RELCH: variants seen among roughly 807,000 people sequenced by gnomAD.
The protein encoded by RELCH is RAB11-binding protein RELCH.
Under a neutral mutation model 150.3 loss-of-function variants are expected in RELCH, and 41 were observed. The observed-to-expected ratio is 0.27, with a 90% CI of 0.21 to 0.35. The LOEUF is 0.35. Ranked by LOEUF, RELCH falls within the 10% of genes least tolerant of loss-of-function variation. The pLI is 1.00. For missense variants in RELCH, 1,092 were observed against 1,467.8 expected, an observed-to-expected ratio of 0.74 and a Z score of 4.18; for synonymous variants, 478 against 531.8, an observed-to-expected ratio of 0.90 and a Z score of 1.39.
chr18:62,195,653 A>G (rs531548885), intron 1 of RELCH, among the ~76,000 whole-genome samples: 5 of 152,078 alleles, frequency 3.3e-5, no homozygotes, highest in African/African-American at 1.2e-4. Flanking sequence ...GTTTGAATGT[A>G]ATCATTTCAC....
At chr18:62,277,645 A>G (rs1486092154) in intron 22 of RELCH, 1 of 970,480 alleles carries the variant, frequency 1.0e-6, no homozygotes, top group Non-Finnish European at 1.2e-6. Flanking sequence ...ATATACCAGG[A>G]ACCTAATAGG....
intron 11 of RELCH, chr18:62,246,641 T>C (rs1435535319): frequency 6.6e-6 from 1 of 152,220 alleles, no homozygotes; most frequent in Non-Finnish European, 1.5e-5. Context: ...AGGAAGGCCC[T>C]TGTAGTTTTC....
chr18:62,228,707 T>G (rs1311572420), intron 8 of RELCH, 109 bp downstream of exon 8: 4 of 772,874 alleles, frequency 5.2e-6, no homozygotes, highest in African/African-American at 1.8e-5. Flanking sequence ...ATCAAATATA[T>G]TAATTTTTAT....
chr18:62,187,398 G>T lies in RELCH; in HGVS notation c.-108G>T, dbSNP rs765589426. 2.0e-5 allele frequency: 22 copies of T among 1,113,904 alleles called. No homozygotes were observed. The highest frequency in any genetic ancestry group is 2.6e-5 in the Non-Finnish European group (21 of 822,298). The allele number at this position is 1,113,904 out of a possible 1,614,324, so 69.0% of individuals were successfully genotyped here. A position where few individuals can be genotyped will look rare whatever the true frequency, so the allele number is the denominator to read the frequency against. The stretch of plus-strand genomic sequence containing the variant: ...TCTCTAAGTCGGGAGGCAGGACGTG[G>T]TCAGGCCGGGGCTGTGGAGGTGCGC... On this transcript the variant is annotated 5_prime_UTR_variant, in exon 1 of 29. Coordinates refer to ENST00000644646, the MANE Select transcript of RELCH (RefSeq NM_001346231.2).
chr18:62,294,980 A>G (rs996025634), intron 27 of RELCH, among the ~76,000 whole-genome samples: 4 of 152,148 alleles, frequency 2.6e-5, no homozygotes, highest in African/African-American at 9.7e-5. Flanking sequence ...TTCTTTGTCA[A>G]TTATTATAAA....
In RELCH at chr18:62,272,342, G is replaced by A. The variant is rs139664349; in HGVS notation, c.2761-1638G>A. Among the ~76,000 whole-genome samples, 277 of 152,030 alleles carry A rather than the reference G, an allele frequency of 1.8e-3. 1 individual carries two copies. The highest frequency in any genetic ancestry group is 6.1e-3 in the African/African-American group (253 of 41,470). On this transcript the variant is annotated intron_variant, in intron 20 of 28. Transcript: ENST00000644646. ...CTCTTTTTTACCCTCTTGAAGTTTTGTTAATATTTTTATTTTGACCATAAA... is the reference window on the plus strand; with the variant it reads ...CTCTTTTTTACCCTCTTGAAGTTTTATTAATATTTTTATTTTGACCATAAA...
At position 62,231,181 on chromosome 18, in the gene RELCH, C is replaced by T. The variant is rs368393369; in HGVS notation, c.1449-13C>T. 4.6e-6 allele frequency: 7 copies of T among 1,529,058 alleles called. No homozygotes were observed. In the African/African-American group the frequency reaches 9.7e-5, roughly 21 times the overall value. 94.7% of individuals were successfully genotyped at this position (1,529,058 alleles called of 1,614,324 possible). ...TATTTGATATTGTCTCTTTTTCATACATTTTCTTCTAGGAAATTGTCTCCT... is the reference window on the plus strand; with the variant it reads ...TATTTGATATTGTCTCTTTTTCATATATTTTCTTCTAGGAAATTGTCTCCT... On this transcript the variant is annotated splice_polypyrimidine_tract_variant and intron_variant, in intron 8 of 28. Coordinates refer to ENST00000644646, the MANE Select transcript of RELCH (RefSeq NM_001346231.2).
At chr18:62,189,259 G>GTTT (rs748259898) in intron 1 of RELCH, among the ~76,000 whole-genome samples, 1 of 118,072 alleles carries the variant, frequency 8.5e-6, no homozygotes, top group East Asian at 2.6e-4. Flanking sequence ...GTCTTTTTTT[G>GTTT]TTTTTTTTTT....
rs1441679557 is a variant in RELCH at position 62,227,309 on chromosome 18, T to C, written c.879T>C (p.Asp293=). Residue 293 remains aspartate, a synonymous_variant, in exon 6 of 29, where the codon GAT becomes GAC. Coordinates refer to ENST00000644646, the MANE Select transcript of RELCH (RefSeq NM_001346231.2). ...NDDQDFELWD[D]VGLNIPKPPD... is the part of the protein sequence containing the mutation. The stretch of plus-strand genomic sequence containing the variant: ...TTTAGGATTTTGAATTATGGGATGA[T>C]GTAGGATTAAACATTCCAAAACCTC... The C allele has an allele frequency of 3.7e-6, 6 of 1,603,202 alleles. No individual in the cohort carries two copies. Among genetic ancestry groups the C allele is most frequent in the Admixed American group, 1.7e-5 (1 of 59,672 alleles).
chr18:62,232,299 CTATCATTGTTTAT>C lies in RELCH; in HGVS notation c.1525-30_1525-18del, dbSNP rs1226447918. On this transcript the variant is annotated intron_variant, in intron 9 of 28. Transcript: ENST00000644646. Reference sequence around the variant, plus strand: ...TATTATTATGCACAGAAGTTCTCCACTATCATTGTTTATTAATTCTTTGGTTTTCTAGGTGTCT... The same window carrying C: ...TATTATTATGCACAGAAGTTCTCCACTAATTCTTTGGTTTTCTAGGTGTCT... 1 of 1,383,940 alleles carries C rather than the reference CTATCATTGTTTAT, an allele frequency of 7.2e-7. No individual in the cohort carries two copies. The highest frequency in any genetic ancestry group is 1.0e-6 in the Non-Finnish European group (1 of 972,196). The allele number at this position is 1,383,940 out of a possible 1,614,324, so 85.7% of individuals were successfully genotyped here. A position where few individuals can be genotyped will look rare whatever the true frequency, so the allele number is the denominator to read the frequency against.
chr18:62,291,778 A>C, intron 27 of RELCH, 147 bp downstream of exon 27: 1 of 590,510 alleles, frequency 1.7e-6, no homozygotes, highest in South Asian at 2.1e-5. Context: ...ACTAGATGCG[A>C]TATCTTCAGC....
intron 25 of RELCH, among the ~76,000 whole-genome samples, chr18:62,283,691 T>C (rs753646078): frequency 3.9e-5 from 6 of 152,068 alleles, no homozygotes; most frequent in African/African-American, 7.2e-5. Flanking sequence ...CAGAAGAAAG[T>C]TGATATTTTA....
At chr18:62,207,249 C>T (rs1386021221) in intron 1 of RELCH, among the ~76,000 whole-genome samples, 1 of 152,156 alleles carries the variant, frequency 6.6e-6, no homozygotes, top group East Asian at 1.9e-4. Context: ...GGAAATCATA[C>T]AATATGTGGT....
At chr18:62,221,158 AG>A in intron 3 of RELCH, 50 bp downstream of exon 3, 1 of 1,593,426 alleles carries the variant, frequency 6.3e-7, no homozygotes, top group Non-Finnish European at 8.6e-7. Context: ...ACAATGTAGA[AG>A]TAGCTGAGAT....
chr18:62,286,015 A>G (rs1031145723), intron 25 of RELCH: 4 of 152,228 alleles, frequency 2.6e-5, no homozygotes, highest in Admixed American at 2.0e-4. Flanking sequence ...TTGAGACTAC[A>G]GTTTAAATGA....
intron 10 of RELCH, among the ~76,000 whole-genome samples, chr18:62,241,065 C>T (rs1174856474): frequency 6.6e-6 from 1 of 152,094 alleles, no homozygotes; most frequent in Non-Finnish European, 1.5e-5. Context: ...TAGAAAAATG[C>T]AAGTTAGCTT....
Position 62,268,901 on chromosome 18 carries a change from G to T in RELCH, c.2713G>T (p.Ala905Ser), listed in dbSNP as rs2043736038. ...AGCAGGAAATGGGGTCCTCACTAAA[G>T]CTACAGTCCCCATTTATGCAACAGG... ...SSAGNGVLTK[A>S]TVPIYATGVL... The change falls in exon 20 of 29, where the codon GCT becomes TCT. Residue 905 changes from alanine to serine, a missense_variant. Coordinates refer to ENST00000644646, the MANE Select transcript of RELCH (RefSeq NM_001346231.2). 1.3e-6 allele frequency: 2 copies of T among 1,550,156 alleles called. No individual in the cohort carries two copies. Among genetic ancestry groups the T allele is most frequent in the East Asian group, 4.7e-5 (2 of 42,428 alleles).
At chr18:62,209,647 C>CAAAAA (rs35985070) in intron 1 of RELCH, among the ~76,000 whole-genome samples, 26 of 145,034 alleles carry the variant, frequency 1.8e-4, no homozygotes, top group African/African-American at 3.8e-4. Flanking sequence ...TCAATTTCTG[C>CAAAAA]AAAAAAAAAA....
intron 28 of RELCH, among the ~76,000 whole-genome samples, chr18:62,303,008 C>T (rs569010711): frequency 2.1e-3 from 315 of 152,188 alleles, no homozygotes; most frequent in African/African-American, 7.2e-3. Flanking sequence ...TTATCTTTTC[C>T]TGGATTAAAA....
Sources: gnomAD v4.1 joint callset for allele counts (sites outside exome capture counted in the v4.1 genomes callset) on GRCh38, gnomAD v4.1.1 for gene constraint, MANE v1.5 for transcripts, NCBI Gene and HGNC (gene_info 2026-07-23, HGNC 2026-07-21) for gene names.